The following NOS1AP variants were observed in gnomAD, a reference collection of about 807,000 sequenced individuals.
The protein encoded by NOS1AP is nitric oxide synthase 1 adaptor protein, also known as carboxyl-terminal PDZ ligand of neuronal nitric oxide synthase protein.
NOS1AP carries 21 observed loss-of-function variants against 56.2 expected under a neutral mutation model. That is an observed-to-expected ratio of 0.37 (90% CI 0.26 to 0.54). The LOEUF is 0.54. NOS1AP is among the 20% of genes least tolerant of loss of function. The pLI is 0.84. For synonymous variants in NOS1AP, 270 were observed against 274.6 expected, an observed-to-expected ratio of 0.98 and a Z score of 0.17; for missense variants, 522 against 657.8, an observed-to-expected ratio of 0.79 and a Z score of 2.26.
chr1:162,081,786 TAGAGA>T (rs1691901804), intron 1 of NOS1AP, among the ~76,000 whole-genome samples: 9 of 123,734 alleles, frequency 7.3e-5, no homozygotes, highest in African/African-American at 2.6e-4. Flanking sequence ...TTTTTTTTTG[TAGAGA>T]TGGGTTTTCA....
At chr1:162,183,888 A>C (rs968216716) in intron 2 of NOS1AP, among the ~76,000 whole-genome samples, 1 of 152,200 alleles carries the variant, frequency 6.6e-6, no homozygotes, top group Non-Finnish European at 1.5e-5. Flanking sequence ...CTTATTATGC[A>C]TGTGTTCACT....
chr1:162,367,363 A>G lies in NOS1AP; in HGVS notation c.1417A>G (p.Ser473Gly), dbSNP rs1165772060. ...ASEYESNTDE[S>G]EERDSWSQEE... ...GGAGTACGAGTCCAACACGGACGAGAGCGAGGAGCGCGACTCGTGGTCCCA... is the reference window on the plus strand; with the variant it reads ...GGAGTACGAGTCCAACACGGACGAGGGCGAGGAGCGCGACTCGTGGTCCCA... Residue 473 changes from serine (S) to glycine (G), a missense_variant, in exon 10 of 10, where the codon AGC becomes GGC. Ser to Gly is a moderately conservative substitution (Grantham distance 56, BLOSUM62 0). Transcript: ENST00000361897. This position sits in a 1 kb window ranked among gnomAD's most constrained non-coding sequence, Gnocchi z 6.5. 6.2e-7 allele frequency: 1 copy of G among 1,611,930 alleles called. No individual in the cohort carries two copies. The highest frequency in any genetic ancestry group is 2.2e-5 in the East Asian group (1 of 44,824).
chr1:162,173,497 G>A (rs980443457), intron 2 of NOS1AP, among the ~76,000 whole-genome samples: 2 of 152,216 alleles, frequency 1.3e-5, no homozygotes, highest in Non-Finnish European at 2.9e-5. Flanking sequence ...ACCATTCAGG[G>A]CATAGGCATG....
chr1:162,184,311 A>T (rs1407579433), intron 2 of NOS1AP, among the ~76,000 whole-genome samples: 1 of 152,210 alleles, frequency 6.6e-6, no homozygotes, highest in Non-Finnish European at 1.5e-5. Context: ...CTAATCACAA[A>T]TTATCATAAC....
chr1:162,110,217 TTA>T (rs1647659463), intron 1 of NOS1AP, among the ~76,000 whole-genome samples: 1 of 151,844 alleles, frequency 6.6e-6, no homozygotes, highest in Non-Finnish European at 1.5e-5. Context: ...TTTGTTGAGC[TTA>T]CAGTGTGCTT....
intron 7 of NOS1AP, among the ~76,000 whole-genome samples, 172 bp from the exon 8 acceptor site, chr1:162,356,788 A>G (rs987578051): frequency 2.0e-5 from 3 of 152,200 alleles, no homozygotes; most frequent in Middle Eastern, 3.4e-3. Context: ...CCAGGCAGCT[A>G]CACCATTTCC....
rs752673036 is a variant in NOS1AP, at chr1:162,289,209, TTTCCTTCCTTCCTTCCTTCC to T, written c.270+1824_270+1843del. Among the ~76,000 whole-genome samples, 302 of 99,574 alleles carry T rather than the reference TTTCCTTCCTTCCTTCCTTCC, an allele frequency of 3.0e-3. 5 individuals carry two copies. The highest frequency in any genetic ancestry group is 8.4e-3 in the East Asian group (18 of 2,134). The allele number at this position is 99,574 out of a possible 152,430, so 65.3% of individuals were successfully genotyped here. On this transcript the variant is annotated intron_variant, in intron 3 of 9. Coordinates refer to ENST00000361897, the MANE Select transcript of NOS1AP (RefSeq NM_014697.3). ...TGCCTTTCTTTCCTTCCTTCCTTCC[TTTCCTTCCTTCCTTCCTTCC>T]TTCCTTCCTTCCTTCCTTCCTTCCT...
chr1:162,359,521 C>T (rs191045471), intron 8 of NOS1AP, among the ~76,000 whole-genome samples: 141 of 152,334 alleles, frequency 9.3e-4, no homozygotes, highest in Middle Eastern at 3.4e-3. Flanking sequence ...CTAAACTGAC[C>T]TTCAGTTAGA....
intron 2 of NOS1AP, among the ~76,000 whole-genome samples, chr1:162,176,336 T>TC (rs1651057812): frequency 6.6e-6 from 1 of 152,028 alleles, no homozygotes. Flanking sequence ...CCAAACCCTA[T>TC]CCCCAAACCC....
intron 1 of NOS1AP, among the ~76,000 whole-genome samples, chr1:162,101,601 C>T (rs1277411621): frequency 6.6e-6 from 1 of 152,134 alleles, no homozygotes; most frequent in Non-Finnish European, 1.5e-5. Context: ...TTGTTTGTGT[C>T]CTCTCTGATT....
chr1:162,108,581 G>T (rs889318511), intron 1 of NOS1AP, among the ~76,000 whole-genome samples: 1 of 151,538 alleles, frequency 6.6e-6, no homozygotes, highest in African/African-American at 2.4e-5. Flanking sequence ...AAGAGGGAAT[G>T]ATATCACATC....
chr1:162,110,637 A>G (rs1293450638), intron 1 of NOS1AP, among the ~76,000 whole-genome samples: 2 of 152,230 alleles, frequency 1.3e-5, no homozygotes, highest in Non-Finnish European at 2.9e-5. Context: ...CTATCAGAGT[A>G]TGGCTTAGGC....
At chr1:162,349,619 T>C (rs1657425908) in intron 6 of NOS1AP, among the ~76,000 whole-genome samples, 1 of 152,226 alleles carries the variant, frequency 6.6e-6, no homozygotes, top group Non-Finnish European at 1.5e-5. Flanking sequence ...AGCAGCATAA[T>C]GCCTAGCATA....
chr1:162,170,412 G>A (rs937710609), intron 2 of NOS1AP, among the ~76,000 whole-genome samples: 2 of 152,202 alleles, frequency 1.3e-5, no homozygotes, highest in African/African-American at 4.8e-5. Flanking sequence ...CAGCAGAGCT[G>A]GGGGTCCACC....
intron 4 of NOS1AP, among the ~76,000 whole-genome samples, chr1:162,325,933 A>C (rs555142834): frequency 6.6e-6 from 1 of 151,880 alleles, no homozygotes; most frequent in Non-Finnish European, 1.5e-5. Context: ...ATGTTGGGAG[A>C]ACAAGAAATA....
chr1:162,198,383 A>G (rs1273504714), intron 2 of NOS1AP, among the ~76,000 whole-genome samples: 2 of 152,124 alleles, frequency 1.3e-5, no homozygotes, highest in Non-Finnish European at 2.9e-5. Flanking sequence ...CTGGGTGAAG[A>G]GGGCAGGATC....
At chr1:162,366,977 G>T in intron 9 of NOS1AP, 75 bp from the exon 10 acceptor site, 2 of 1,568,986 alleles carry the variant, frequency 1.3e-6, no homozygotes, top group Non-Finnish European at 1.8e-6. Context: ...GGGCACGGGC[G>T]GGCAGAAGGC....
intron 2 of NOS1AP, among the ~76,000 whole-genome samples, chr1:162,243,321 G>A (rs952985209): frequency 2.0e-5 from 3 of 152,112 alleles, no homozygotes; most frequent in African/African-American, 7.2e-5. Flanking sequence ...ATGATGAGGG[G>A]CAATGGGCAT....
In NOS1AP at chr1:162,132,731, C is replaced by A. The variant is rs146111718; in HGVS notation, c.106-21674C>A. ...AGGAATCTATAGCATAGCTTCCCAACCCACAGGTCTCCATATTGATTCCTC... is the reference window on the plus strand; with the variant it reads ...AGGAATCTATAGCATAGCTTCCCAAACCACAGGTCTCCATATTGATTCCTC... On this transcript the variant is annotated intron_variant, in intron 1 of 9. Coordinates refer to ENST00000361897, the MANE Select transcript of NOS1AP (RefSeq NM_014697.3). Among the ~76,000 whole-genome samples, 972 of 152,314 alleles carry A rather than the reference C, an allele frequency of 6.4e-3. 37 individuals carry two copies. Among genetic ancestry groups the A allele is most frequent in the Admixed American group, 0.045 (688 of 15,298 alleles).
Sources: gnomAD v4.1 joint callset for allele counts (sites outside exome capture counted in the v4.1 genomes callset) on GRCh38, gnomAD v4.1.1 for gene constraint, Gnocchi (gnomAD v3.1) non-coding constraint, MANE v1.5 for transcripts, NCBI Gene and HGNC (gene_info 2026-07-23, HGNC 2026-07-21) for gene names.